GGT7: variants seen among roughly 807,000 people sequenced by gnomAD.
GGT7 encodes the protein glutathione hydrolase 7.
GGT7 carries 30 observed loss-of-function variants against 69.2 expected under a neutral mutation model. That is an observed-to-expected ratio of 0.43 (90% CI 0.32 to 0.59). GGT7 has a LOEUF of 0.59. Among genes scored for constraint, GGT7 ranks in the 20% least tolerant of loss-of-function variants. The pLI is 0.05. For missense variants in GGT7, 733 were observed against 901.1 expected, an observed-to-expected ratio of 0.81 and a Z score of 2.39; for synonymous variants, 388 against 391.8, an observed-to-expected ratio of 0.99 and a Z score of 0.12.
chr20:34,854,290 T>C (rs2079449248), intron 10 of GGT7, among the ~76,000 whole-genome samples: 1 of 152,128 alleles, frequency 6.6e-6, no homozygotes, highest in Admixed American at 6.5e-5. Context: ...CAGATGGGCT[T>C]ATATAGGTGC....
Position 34,845,509 on chromosome 20 carries a change from C to A in GGT7, c.1826-18G>T. On this transcript the variant is annotated intron_variant, in intron 14 of 14. Coordinates refer to ENST00000336431, the MANE Select transcript of GGT7 (RefSeq NM_178026.3). Reference sequence around the variant, plus strand: ...GAACTCACCTGAAAACCATCCCCGACATATACACATTCAGAATGTACAGAG... The same window carrying A: ...GAACTCACCTGAAAACCATCCCCGAAATATACACATTCAGAATGTACAGAG... The A allele has an allele frequency of 6.2e-7, 1 of 1,609,688 alleles. No homozygotes were observed. Among genetic ancestry groups the A allele is most frequent in the Non-Finnish European group, 8.5e-7 (1 of 1,176,834 alleles).
In GGT7 at chr20:34,861,567, G is replaced by A. The variant is rs1022735297; in HGVS notation, c.558-5C>T. The A allele has an allele frequency of 1.4e-6, 2 of 1,438,578 alleles. No individual in the cohort carries two copies. Among genetic ancestry groups the A allele is most frequent in the Non-Finnish European group, 1.9e-6 (2 of 1,070,292 alleles). The allele number at this position is 1,438,578 out of a possible 1,614,324, so 89.1% of individuals were successfully genotyped here. ...TGTACCAGCATCACGCCCCCACTGGGAGAGACACAGAAGGGGAAGTGTGAT... is the reference window on the plus strand; with the variant it reads ...TGTACCAGCATCACGCCCCCACTGGAAGAGACACAGAAGGGGAAGTGTGAT... On this transcript the variant is annotated splice_region_variant and splice_polypyrimidine_tract_variant and intron_variant, in intron 3 of 14. Coordinates refer to ENST00000336431, the MANE Select transcript of GGT7 (RefSeq NM_178026.3).
At chr20:34,869,108 C>T (rs187300098) in intron 1 of GGT7, among the ~76,000 whole-genome samples, 40 of 152,106 alleles carry the variant, frequency 2.6e-4, no homozygotes, top group African/African-American at 8.2e-4. Context: ...AGGGTCATCC[C>T]TGGCTTGTTG....
chr20:34,854,635 G>T lies in GGT7; in HGVS notation c.1231-16C>A. The T allele has an allele frequency of 6.3e-7, 1 of 1,598,554 alleles. No homozygotes were observed. Among genetic ancestry groups the T allele is most frequent in the Non-Finnish European group, 8.6e-7 (1 of 1,166,126 alleles). On this transcript the variant is annotated splice_polypyrimidine_tract_variant and intron_variant, in intron 9 of 14. Coordinates refer to ENST00000336431, the MANE Select transcript of GGT7 (RefSeq NM_178026.3). ...TCTTCAGGGTCTGAAAATACAGCAG[G>T]GATATGGAAGAGGCTGCCAGGCCCC... is the stretch of plus-strand genomic sequence containing the variant.
chr20:34,865,054 C>A (rs960550092), intron 1 of GGT7, among the ~76,000 whole-genome samples: 1 of 151,450 alleles, frequency 6.6e-6, no homozygotes, highest in African/African-American at 2.4e-5. Flanking sequence ...ACTCCTGACC[C>A]CAGGTGATCT....
At chr20:34,853,428 C>T (rs1325971688) in intron 10 of GGT7, among the ~76,000 whole-genome samples, 1 of 150,598 alleles carries the variant, frequency 6.6e-6, no homozygotes, top group African/African-American at 2.4e-5. Context: ...ATGTAATGCT[C>T]CAGACTTTTA....
At position 34,857,186 on chromosome 20, in the gene GGT7, C is replaced by G. The variant is rs141542268; in HGVS notation, c.1015-293G>C. ...TTTGTGATCTGGCCCCAGCCTACCC[C>G]TCCCACCTCATGTCCTGCTGTTCCC... is the stretch of plus-strand genomic sequence containing the variant. On this transcript the variant is annotated intron_variant, in intron 7 of 14. Coordinates refer to ENST00000336431, the MANE Select transcript of GGT7 (RefSeq NM_178026.3). Among the ~76,000 whole-genome samples, 1,466 of 152,294 alleles carry G rather than the reference C, an allele frequency of 9.6e-3. 26 individuals carry two copies. The highest frequency in any genetic ancestry group is 0.031 in the African/African-American group (1,285 of 41,548).
chr20:34,850,991 T>C, intron 13 of GGT7: 1 of 675,210 alleles, frequency 1.5e-6, no homozygotes, highest in Non-Finnish European at 2.7e-6. Context: ...CTTTTCAATC[T>C]ACTGACCCTG....
At chr20:34,868,764 G>T (rs994738443) in intron 1 of GGT7, among the ~76,000 whole-genome samples, 1 of 152,204 alleles carries the variant, frequency 6.6e-6, no homozygotes, top group Non-Finnish European at 1.5e-5. Context: ...GAAAGAGAAA[G>T]GCTCCTCTTT....
intron 14 of GGT7, 48 bp downstream of exon 14, chr20:34,849,913 T>C: frequency 8.5e-7 from 1 of 1,173,258 alleles, no homozygotes; most frequent in Non-Finnish European, 1.2e-6. Flanking sequence ...GAGTCCTTTC[T>C]CTACCTGTCC....
chr20:34,851,547 C>A (rs574770592), intron 12 of GGT7, among the ~76,000 whole-genome samples, 179 bp from the exon 13 acceptor site: 1 of 152,104 alleles, frequency 6.6e-6, no homozygotes, highest in Non-Finnish European at 1.5e-5. Context: ...GGTAGGGTGC[C>A]TGGATGGGTG....
chr20:34,866,975 G>A (rs2079700742), intron 1 of GGT7, among the ~76,000 whole-genome samples: 1 of 152,162 alleles, frequency 6.6e-6, no homozygotes, highest in Admixed American at 6.5e-5. Context: ...GCATCACAGA[G>A]TCTGTAAATA....
At chr20:34,848,032 G>A (rs935753071) in intron 14 of GGT7, among the ~76,000 whole-genome samples, 1 of 152,234 alleles carries the variant, frequency 6.6e-6, no homozygotes, top group African/African-American at 2.4e-5. Flanking sequence ...GGTGGAGGTT[G>A]AAGTGAGCTG....
chr20:34,860,097 T>TC, intron 5 of GGT7, 55 bp from the exon 6 acceptor site: 1 of 340,200 alleles, frequency 2.9e-6, no homozygotes, highest in Non-Finnish European at 5.5e-6. Flanking sequence ...TGAGGAGGGG[T>TC]CCGGGGGGAG....
Position 34,859,502 on chromosome 20 carries a change from T to G in GGT7, c.955A>C (p.Thr319Pro), listed in dbSNP as rs1245695917. 9 of 1,609,150 alleles carry G rather than the reference T, an allele frequency of 5.6e-6. No individual in the cohort carries two copies. Among genetic ancestry groups the G allele is most frequent in the South Asian group, 1.1e-5 (1 of 90,826 alleles). Residue 319 changes from threonine (T) to proline (P), a missense_variant, in exon 7 of 15, where the codon ACC becomes CCC. By Grantham distance (38) the Thr-to-Pro change is conservative. Transcript: ENST00000336431. ...GCGTAGAAGGCAGCCGGGCCGGAGG[T>G]GCCAAGTACATCCAGCACCTCAGCC... ...DLAEVLDVLGTSGPAAFYAGG... is the reference protein window; with the variant it reads ...DLAEVLDVLGPSGPAAFYAGG...
rs758140805 is a variant in GGT7 at position 34,859,549 on chromosome 20, G to A, written c.908C>T (p.Ser303Leu). 2.0e-5 allele frequency: 33 copies of A among 1,612,246 alleles called. No individual in the cohort carries two copies. The highest frequency in any genetic ancestry group is 4.0e-5 in the African/African-American group (3 of 74,928). ...AGCCAGGTCGGGCCGATGCAGCAAC[G>A]AGCCAGGTAGTGGCGGGCGGCCCGA... ...LPSGRPPLPG[S>L]LLHRPDLAEV... is the part of the protein sequence containing the mutation. The change falls in exon 7 of 15, where the codon TCG (serine) becomes TTG (leucine). Residue 303 changes from serine (S) to leucine (L), a missense_variant. Physicochemically the swap from Ser to Leu is moderately radical, Grantham distance 145. Coordinates refer to ENST00000336431, the MANE Select transcript of GGT7 (RefSeq NM_178026.3).
chr20:34,869,972 G>A (rs907633197), intron 1 of GGT7, among the ~76,000 whole-genome samples: 12 of 152,192 alleles, frequency 7.9e-5, no homozygotes, highest in Admixed American at 7.2e-4. Flanking sequence ...CTTTCCCACA[G>A]AGCCTGATGT....
chr20:34,855,814 T>TGTGTGTGTGTGTGA (rs56219337), intron 8 of GGT7, among the ~76,000 whole-genome samples: 27,877 of 143,904 alleles, frequency 0.19, 3,071 homozygotes, highest in South Asian at 0.29. Flanking sequence ...TGTGTGTGTG[T>TGTGTGTGTGTGTGA]GATAATGGTC....
rs768702871 is a variant in GGT7 at position 34,860,045 on chromosome 20, G to T, written c.744-3C>A. On this transcript the variant is annotated splice_polypyrimidine_tract_variant and splice_region_variant and intron_variant, in intron 5 of 14. Coordinates refer to ENST00000336431, the MANE Select transcript of GGT7 (RefSeq NM_178026.3). ...CCAGGACTTGGGACCATGGCAGCCT[G>T]GGGGGGCCGGAGAGCAGGGGGTGGA... 1.3e-6 allele frequency: 2 copies of T among 1,539,806 alleles called. No individual in the cohort carries two copies. Among genetic ancestry groups the T allele is most frequent in the East Asian group, 2.4e-5 (1 of 42,390 alleles).
Sources: allele counts gnomAD v4.1 joint callset (sites outside exome capture counted in the v4.1 genomes callset), GRCh38; gene constraint gnomAD v4.1.1; transcripts MANE v1.5; gene names NCBI Gene and HGNC (gene_info 2026-07-23, HGNC 2026-07-21).